The following PHF24 variants were observed in gnomAD, a reference collection of about 807,000 sequenced individuals.
PHF24 encodes Galpha inhibitory interacting protein.
A neutral mutation model predicts 42.6 loss-of-function variants in PHF24; 25 were observed. That is an observed-to-expected ratio of 0.59 (90% CI 0.43 to 0.82). The LOEUF is 0.82. PHF24 is among the 40% of genes least tolerant of loss of function. The pLI is 0.00. For missense variants in PHF24, 470 were observed against 538.1 expected (o/e 0.87, Z 1.25); for synonymous variants, 185 against 204.8 (o/e 0.90, Z 0.83).
chr9:34,774,153 T>C, the PHF24 span, among the ~76,000 whole-genome samples: 1 of 152,056 alleles, frequency 6.6e-6, no homozygotes, highest in Non-Finnish European at 1.5e-5. Flanking sequence ...GCAGAAAACA[T>C]CAGGGAAAAA....
chr9:34,796,630 GA>G, the PHF24 span, among the ~76,000 whole-genome samples: 2 of 152,174 alleles, frequency 1.3e-5, no homozygotes, highest in African/African-American at 4.8e-5. Context: ...GCACCATTTG[GA>G]AAATTCAAAT....
chr9:34,730,568 G>T, the PHF24 span, among the ~76,000 whole-genome samples: 1 of 152,204 alleles, frequency 6.6e-6, no homozygotes, highest in East Asian at 1.9e-4. Context: ...AGCCGCATTG[G>T]CTTTCTGCTT....
chr9:34,835,628 G>T, the PHF24 span: 116 of 1,551,598 alleles, frequency 7.5e-5, no homozygotes, highest in East Asian at 1.7e-4. Flanking sequence ...GGCTTGTCAA[G>T]CCTTGAAGAA....
At chr9:34,907,106 T>TG in the PHF24 span, among the ~76,000 whole-genome samples, 1 of 152,180 alleles carries the variant, frequency 6.6e-6, no homozygotes, top group South Asian at 2.1e-4. Context: ...GGACTACAGT[T>TG]GTGAGCCACT....
At chr9:34,809,910 G>C in the PHF24 span, among the ~76,000 whole-genome samples, 3 of 147,964 alleles carry the variant, frequency 2.0e-5, no homozygotes, top group South Asian at 6.6e-4. This position sits in a 1 kb window ranked among gnomAD's most constrained non-coding sequence, Gnocchi z 4.1. Context: ...TAGCTGATTC[G>C]GGAGGCCAGT....
the PHF24 span, among the ~76,000 whole-genome samples, chr9:34,679,598 C>G: frequency 2.0e-5 from 3 of 152,146 alleles, no homozygotes; most frequent in African/African-American, 7.2e-5. Flanking sequence ...GCCTGTAATT[C>G]CAGCTACTCA....
the PHF24 span, among the ~76,000 whole-genome samples, chr9:34,876,510 A>T: frequency 2.6e-5 from 4 of 152,200 alleles, no homozygotes; most frequent in Non-Finnish European, 4.4e-5. Flanking sequence ...GCCCAATTCA[A>T]AAATGGGCAA....
At chr9:34,842,497 C>G in the PHF24 span, among the ~76,000 whole-genome samples, 1 of 152,122 alleles carries the variant, frequency 6.6e-6, no homozygotes, top group Non-Finnish European at 1.5e-5. Flanking sequence ...GGCATAAAAC[C>G]TCTGCCCTCA....
chr9:34,736,598 T>C, the PHF24 span, among the ~76,000 whole-genome samples: 2 of 152,220 alleles, frequency 1.3e-5, no homozygotes, highest in African/African-American at 4.8e-5. Context: ...TAAGCCAACA[T>C]GCCTGGCTGA....
At chr9:34,961,951 T>G (rs1826602336) in intron 1 of PHF24, among the ~76,000 whole-genome samples, 1 of 152,200 alleles carries the variant, frequency 6.6e-6, no homozygotes, top group Non-Finnish European at 1.5e-5. Flanking sequence ...GTATGTTTGT[T>G]TTTTTGAGGC....
chr9:34,703,454 C>T, the PHF24 span, among the ~76,000 whole-genome samples: 1 of 152,114 alleles, frequency 6.6e-6, no homozygotes, highest in Non-Finnish European at 1.5e-5. Flanking sequence ...CAGGCATGAG[C>T]CACTGCCCCC....
chr9:34,743,269 A>C, the PHF24 span, among the ~76,000 whole-genome samples: 1 of 152,228 alleles, frequency 6.6e-6, no homozygotes, highest in African/African-American at 2.4e-5. Context: ...ACAATTTGAC[A>C]AAGTAGTAAA....
the PHF24 span, among the ~76,000 whole-genome samples, chr9:34,682,644 A>G: frequency 6.6e-6 from 1 of 152,074 alleles, no homozygotes; most frequent in Non-Finnish European, 1.5e-5. Context: ...TTCCTATTAT[A>G]TTACTCTTGG....
chr9:34,755,501 G>A, the PHF24 span, among the ~76,000 whole-genome samples: 17 of 151,642 alleles, frequency 1.1e-4, no homozygotes, highest in Non-Finnish European at 2.2e-4. Flanking sequence ...CATTTTTTTT[G>A]TATATTTGTT....
At chr9:34,760,039 G>C in the PHF24 span, among the ~76,000 whole-genome samples, 1 of 152,208 alleles carries the variant, frequency 6.6e-6, no homozygotes, top group South Asian at 2.1e-4. Context: ...TTCTCACGAT[G>C]TGGGCATGGA....
the PHF24 span, among the ~76,000 whole-genome samples, chr9:34,777,300 G>A: frequency 6.6e-6 from 1 of 152,142 alleles, no homozygotes; most frequent in Admixed American, 6.5e-5. Flanking sequence ...GGCAGTGGTG[G>A]GATGACTCTC....
the PHF24 span, among the ~76,000 whole-genome samples, chr9:34,668,282 G>C: frequency 6.6e-6 from 1 of 152,156 alleles, no homozygotes; most frequent in African/African-American, 2.4e-5. Context: ...AGGCTAGAGA[G>C]ACAGAGCCTA....
rs77176551 is a variant in PHF24 at position 34,970,888 on chromosome 9, G to A, written c.-4-407G>A. Among the ~76,000 whole-genome samples the A allele has an allele frequency of 3.3e-3, 502 of 152,262 alleles. 3 individuals are homozygous for A. The highest frequency in any genetic ancestry group is 6.8e-3 in the Middle Eastern group (2 of 294). On this transcript the variant is annotated intron_variant, in intron 1 of 7. Transcript: ENST00000242315. ...CTTACATTATCCTTGTAACATCCCTGTGAAGTGGGCTGGGGAAATAGCCCT... is the reference window on the plus strand; with the variant it reads ...CTTACATTATCCTTGTAACATCCCTATGAAGTGGGCTGGGGAAATAGCCCT...
chr9:34,799,110 T>C, the PHF24 span, among the ~76,000 whole-genome samples: 8 of 152,308 alleles, frequency 5.3e-5, no homozygotes, highest in Non-Finnish European at 1.0e-4. Flanking sequence ...TATTAGTCCT[T>C]TGTAAGACAT....
Sources: allele counts gnomAD v4.1 joint callset (sites outside exome capture counted in the v4.1 genomes callset), GRCh38; gene constraint gnomAD v4.1.1; non-coding constraint Gnocchi (gnomAD v3.1); transcripts MANE v1.5; gene names NCBI Gene and HGNC (gene_info 2026-07-23, HGNC 2026-07-21).